The following ATP10A variants were observed in gnomAD, a reference collection of about 807,000 sequenced individuals.
ATP10A encodes ATPase phospholipid transporting 10A (putative), also known as phospholipid-transporting ATPase VA.
Under a neutral mutation model 147.8 loss-of-function variants are expected in ATP10A, and 111 were observed. That is an observed-to-expected ratio of 0.75 (90% CI 0.64 to 0.88). ATP10A has a LOEUF of 0.88. Among genes scored for constraint, ATP10A ranks in the 40% least tolerant of loss-of-function variants. The pLI is 0.00. For synonymous variants in ATP10A, 875 were observed against 841.6 expected (o/e 1.04, Z -0.69); for missense variants, 1,927 against 1,959.0 (o/e 0.98, Z 0.31).
At chr15:25,850,627 TTCTC>T (rs200035818) in intron 1 of ATP10A, among the ~76,000 whole-genome samples, 1,828 of 151,318 alleles carry the variant, frequency 0.012, 48 homozygotes, top group African/African-American at 0.043. Flanking sequence ...CGCTGCTCCA[TTCTC>T]CCTCCCTCCC....
intron 2 of ATP10A, among the ~76,000 whole-genome samples, chr15:25,751,900 A>T (rs1888172787): frequency 2.0e-5 from 3 of 152,146 alleles, no homozygotes; most frequent in Admixed American, 6.6e-5. Flanking sequence ...TGGCCAAAAG[A>T]CATATGAAAA....
intron 1 of ATP10A, among the ~76,000 whole-genome samples, chr15:25,843,238 C>T (rs1364461362): frequency 4.0e-5 from 6 of 149,110 alleles, no homozygotes; most frequent in East Asian, 4.1e-4. Flanking sequence ...CCCCCACCCC[C>T]ACCGTCCCGG....
At chr15:25,785,189 G>A (rs1567382224) in intron 1 of ATP10A, among the ~76,000 whole-genome samples, 1 of 152,108 alleles carries the variant, frequency 6.6e-6, no homozygotes, top group Non-Finnish European at 1.5e-5. Flanking sequence ...CTTTCCTAAT[G>A]TCCCCTGAAC....
At chr15:25,802,223 C>T (rs539805424) in intron 1 of ATP10A, among the ~76,000 whole-genome samples, 8 of 152,176 alleles carry the variant, frequency 5.3e-5, no homozygotes, top group Non-Finnish European at 7.3e-5. Flanking sequence ...GTGCCTGCGC[C>T]GCAGCACAGA....
At chr15:25,754,382 C>CACT (rs1888311063) in intron 2 of ATP10A, among the ~76,000 whole-genome samples, 2 of 152,150 alleles carry the variant, frequency 1.3e-5, no homozygotes, top group Non-Finnish European at 2.9e-5. Flanking sequence ...GATCTGCCTG[C>CACT]TTTGGCCTCA....
chr15:25,726,846 T>G (rs1902590112), intron 4 of ATP10A, among the ~76,000 whole-genome samples: 2 of 148,558 alleles, frequency 1.3e-5, no homozygotes, highest in African/African-American at 2.5e-5. Context: ...GATCAGGAGA[T>G]TGAGACTATC....
chr15:25,752,099 T>C (rs542190835), intron 2 of ATP10A, among the ~76,000 whole-genome samples: 1 of 152,278 alleles, frequency 6.6e-6, no homozygotes, highest in South Asian at 2.1e-4. Context: ...TGGAAAACTG[T>C]ATGGAGGTTC....
At chr15:25,840,894 G>C (rs748317691) in intron 1 of ATP10A, among the ~76,000 whole-genome samples, 1 of 151,982 alleles carries the variant, frequency 6.6e-6, no homozygotes, top group Non-Finnish European at 1.5e-5. Flanking sequence ...TCCCTGTTTT[G>C]TAAAGATGTT....
intron 2 of ATP10A, among the ~76,000 whole-genome samples, chr15:25,780,087 G>A (rs1462004675): frequency 1.2e-4 from 18 of 152,220 alleles, no homozygotes; most frequent in Non-Finnish European, 2.4e-4. Flanking sequence ...CCAGCCAATC[G>A]CTCACCGCCC....
At chr15:25,697,312 T>TA (rs376276831) in intron 13 of ATP10A, among the ~76,000 whole-genome samples, 2 of 151,952 alleles carry the variant, frequency 1.3e-5, no homozygotes, top group South Asian at 2.1e-4. Flanking sequence ...ATCACCTGCT[T>TA]AAAAAAAATC....
intron 2 of ATP10A, among the ~76,000 whole-genome samples, chr15:25,752,675 GA>G (rs765780957): frequency 7.9e-5 from 12 of 152,128 alleles, no homozygotes; most frequent in Non-Finnish European, 1.6e-4. Context: ...TAAATTTGAG[GA>G]TTGCCTTTTT....
intron 1 of ATP10A, among the ~76,000 whole-genome samples, chr15:25,794,596 C>T (rs1890578158): frequency 6.6e-6 from 1 of 152,192 alleles, no homozygotes; most frequent in African/African-American, 2.4e-5. Context: ...GCACAGTGTG[C>T]AGTGACCTAA....
At chr15:25,858,508 T>C (rs1164475020) in intron 1 of ATP10A, among the ~76,000 whole-genome samples, 1 of 152,082 alleles carries the variant, frequency 6.6e-6, no homozygotes, top group African/African-American at 2.4e-5. Context: ...AGGAGGACTT[T>C]GTTGAGTGAG....
chr15:25,754,412 C>T lies in ATP10A; in HGVS notation c.655-18271G>A, dbSNP rs992388081. On this transcript the variant is annotated intron_variant, in intron 2 of 20. Transcript: ENST00000555815. ...GCCTCAAAAGTTCTGGGATTACAGG[C>T]GAGAGCCACTGGGCTGCAGTTTTAA... Among the ~76,000 whole-genome samples the T allele has an allele frequency of 9.9e-5, 15 of 152,140 alleles. No individual in the cohort carries two copies. In the South Asian group the frequency reaches 1.2e-3, roughly 13 times the overall value.
At chr15:25,703,342 G>A (rs749589712) in intron 12 of ATP10A, among the ~76,000 whole-genome samples, 19 of 152,170 alleles carry the variant, frequency 1.2e-4, no homozygotes, top group Non-Finnish European at 2.2e-4. Context: ...GTGACAGAGC[G>A]AGACTCTGTC....
intron 1 of ATP10A, among the ~76,000 whole-genome samples, chr15:25,847,806 A>AT (rs1384824654): frequency 6.6e-6 from 1 of 150,842 alleles, no homozygotes; most frequent in African/African-American, 2.4e-5. Flanking sequence ...AATTTTTCGT[A>AT]TTTTTTGTAG....
Position 25,716,611 on chromosome 15 carries a change from C to T in ATP10A, c.1776+119G>A, listed in dbSNP as rs1163960201. ...ACCCCACCGCATCCCCCTTAGGTCA[C>T]GATGTGCCAAGAGCGCTTGCTGCAG... is the stretch of plus-strand genomic sequence containing the variant. On this transcript the variant is annotated intron_variant, in intron 9 of 20. Transcript: ENST00000555815. The T allele has an allele frequency of 3.3e-5, 34 of 1,015,026 alleles. No homozygotes were observed. In the South Asian group the frequency reaches 3.4e-4, roughly 10 times the overall value. 62.9% of individuals were successfully genotyped at this position (1,015,026 alleles called of 1,614,324 possible).
Position 25,768,189 on chromosome 15 carries a change from C to T in ATP10A, c.654+12830G>A, listed in dbSNP as rs146606341. Among the ~76,000 whole-genome samples the T allele has an allele frequency of 5.6e-3, 853 of 152,272 alleles. 4 individuals are homozygous for T. Among genetic ancestry groups the T allele is most frequent in the Non-Finnish European group, 7.9e-3 (535 of 68,024 alleles). On this transcript the variant is annotated intron_variant, in intron 2 of 20. Transcript: ENST00000555815. ...TGGACCCTTCACAGGACACAGCACG[C>T]GAGCAGCTGCGATGGAGGGAGGGTC...
At chr15:25,791,737 T>C (rs559843677) in intron 1 of ATP10A, among the ~76,000 whole-genome samples, 1 of 152,320 alleles carries the variant, frequency 6.6e-6, no homozygotes, top group Non-Finnish European at 1.5e-5. Flanking sequence ...CCACGAAACC[T>C]GTGAGAGCAT....
Sources: gnomAD v4.1 joint callset for allele counts (sites outside exome capture counted in the v4.1 genomes callset) on GRCh38, gnomAD v4.1.1 for gene constraint, MANE v1.5 for transcripts, NCBI Gene and HGNC (gene_info 2026-07-23, HGNC 2026-07-21) for gene names.